DCAF6: variants seen among roughly 807,000 people sequenced by gnomAD.
DCAF6 encodes DDB1 and CUL4 associated factor 6.
A neutral mutation model predicts 125.1 loss-of-function variants in DCAF6; 54 were observed. The ratio of observed to expected loss-of-function variants is 0.43; its 90% CI spans 0.35 to 0.54. DCAF6 has a LOEUF of 0.54. Ranked by LOEUF, DCAF6 falls within the 20% of genes least tolerant of loss-of-function variation. DCAF6 has a pLI of 0.01. For missense variants in DCAF6, 934 were observed against 1,161.7 expected (o/e 0.80, Z 2.85); for synonymous variants, 371 against 390.4 (o/e 0.95, Z 0.58).
intron 2 of DCAF6, among the ~76,000 whole-genome samples, chr1:167,963,075 C>T (rs1675864825): frequency 6.6e-6 from 1 of 152,046 alleles, no homozygotes; most frequent in South Asian, 2.1e-4. Context: ...GCCTGGGCAA[C>T]ATGGTGAAAC....
At chr1:167,928,967 A>C in the DCAF6 span, among the ~76,000 whole-genome samples, 2 of 152,248 alleles carry the variant, frequency 1.3e-5, no homozygotes, top group African/African-American at 2.4e-5. Flanking sequence ...AAAAAGAATT[A>C]ATACATTTTC....
chr1:168,015,635 A>AT (rs1684867032), intron 10 of DCAF6, 146 bp from the exon 11 acceptor site: 4 of 628,550 alleles, frequency 6.4e-6, no homozygotes, highest in East Asian at 3.4e-5. Context: ...ATGACCAGTA[A>AT]TTTTTTATCA....
the DCAF6 span, among the ~76,000 whole-genome samples, chr1:167,924,110 C>T: frequency 6.6e-6 from 1 of 152,166 alleles, no homozygotes; most frequent in Non-Finnish European, 1.5e-5. Context: ...TTGAGAGTAA[C>T]TTTCCTCACC....
chr1:167,881,409 T>A, the DCAF6 span, among the ~76,000 whole-genome samples: 1 of 152,338 alleles, frequency 6.6e-6, no homozygotes, highest in Non-Finnish European at 1.5e-5. Context: ...TACCTCAATT[T>A]CTTCAACCCT....
chr1:167,870,293 A>G, the DCAF6 span: 12 of 1,613,976 alleles, frequency 7.4e-6, no homozygotes, highest in African/African-American at 4.0e-5. Flanking sequence ...CTCAATTTTC[A>G]TAAGTATCTG....
intron 5 of DCAF6, among the ~76,000 whole-genome samples, chr1:167,988,670 A>G (rs1680369794): frequency 6.6e-6 from 1 of 152,192 alleles, no homozygotes; most frequent in Non-Finnish European, 1.5e-5. Flanking sequence ...AAAAGGTACT[A>G]CTGTTAATCA....
intron 10 of DCAF6, among the ~76,000 whole-genome samples, chr1:168,007,613 G>A (rs1353513964): frequency 6.6e-6 from 1 of 152,126 alleles, no homozygotes; most frequent in Non-Finnish European, 1.5e-5. Flanking sequence ...AACATAGGCT[G>A]TCACTCCTTC....
intron 1 of DCAF6, among the ~76,000 whole-genome samples, chr1:167,945,963 T>G (rs562967046): frequency 4.6e-4 from 70 of 150,876 alleles, no homozygotes; most frequent in African/African-American, 1.5e-3. Context: ...GGGTTTTTTT[T>G]TTTTTTTTTT....
At chr1:167,925,470 T>TATATATATATAC in the DCAF6 span, among the ~76,000 whole-genome samples, 34 of 107,756 alleles carry the variant, frequency 3.2e-4, no homozygotes, top group East Asian at 8.8e-3. Context: ...TATATATATA[T>TATATATATATAC]ATATACATAT....
chr1:167,945,938 A>G (rs544079475), intron 1 of DCAF6, among the ~76,000 whole-genome samples: 1 of 141,508 alleles, frequency 7.1e-6, no homozygotes, highest in East Asian at 2.0e-4. Flanking sequence ...TACTGAATTC[A>G]TTTACCAAAT....
the DCAF6 span, chr1:167,899,423 C>T: frequency 6.2e-7 from 1 of 1,614,224 alleles, no homozygotes; most frequent in Non-Finnish European, 8.5e-7. Context: ...TCACACCCAC[C>T]TTAACTGCTC....
At chr1:167,999,040 C>G (rs1396637198) in intron 7 of DCAF6, among the ~76,000 whole-genome samples, 1 of 152,082 alleles carries the variant, frequency 6.6e-6, no homozygotes, top group African/African-American at 2.4e-5. Flanking sequence ...GCAGCTATAG[C>G]CTTACAAAAT....
Position 168,056,128 on chromosome 1 carries a change from C to A in DCAF6, c.2300+5195C>A, listed in dbSNP as rs1263892747. 1.9e-6 allele frequency: 3 copies of A among 1,595,192 alleles called. No individual in the cohort carries two copies. The African/African-American group carries it at 4.1e-5, about 22-fold the overall frequency. On this transcript the variant is annotated intron_variant, in intron 17 of 21. Coordinates refer to ENST00000367840, the MANE Select transcript of DCAF6 (RefSeq NM_001198956.2). ...TTCACACTTTCCAAAGCACCAAACT[C>A]ATCTTGTTTGTTCAATTTTGTCCCA...
chr1:167,985,392 G>A (rs1679856239), intron 4 of DCAF6, among the ~76,000 whole-genome samples: 2 of 152,146 alleles, frequency 1.3e-5, no homozygotes, highest in Non-Finnish European at 2.9e-5. Flanking sequence ...GAGGCTACTT[G>A]CATTCCTTGG....
At chr1:168,062,234 C>G (rs1056045708) in intron 17 of DCAF6, among the ~76,000 whole-genome samples, 11 of 152,048 alleles carry the variant, frequency 7.2e-5, no homozygotes, top group African/African-American at 2.7e-4. Context: ...ATAATGGTTT[C>G]CTTTAAAGGG....
chr1:167,908,559 C>T, the DCAF6 span, among the ~76,000 whole-genome samples: 1 of 152,048 alleles, frequency 6.6e-6, no homozygotes, highest in African/African-American at 2.4e-5. Flanking sequence ...ACTGTTCTCA[C>T]CACACAAAAA....
intron 14 of DCAF6, among the ~76,000 whole-genome samples, chr1:168,043,358 C>A (rs984504306): frequency 6.6e-6 from 1 of 152,020 alleles, no homozygotes; most frequent in Non-Finnish European, 1.5e-5. Flanking sequence ...TCTTTGTGGA[C>A]ACAGTGGCCA....
rs1268851960 is a variant in DCAF6 at position 168,066,365 on chromosome 1, T to C, written c.2597-12T>C. On this transcript the variant is annotated splice_polypyrimidine_tract_variant and intron_variant, in intron 19 of 21. Transcript: ENST00000367840. ...TCTAGGCTTCATATTAATATATAAA[T>C]TTTATTTCTAGTTTTAGCCTCATCT... is the stretch of plus-strand genomic sequence containing the variant. 1 of 1,547,422 alleles carries C rather than the reference T, an allele frequency of 6.5e-7. No individual in the cohort carries two copies. Among genetic ancestry groups the C allele is most frequent in the South Asian group, 1.2e-5 (1 of 84,470 alleles).
the DCAF6 span, among the ~76,000 whole-genome samples, chr1:167,897,151 T>C: frequency 2.7e-5 from 4 of 150,650 alleles, no homozygotes; most frequent in African/African-American, 9.8e-5. Flanking sequence ...GATGGCACGA[T>C]CTCATTTTTG....
Sources: gnomAD v4.1 joint callset for allele counts (sites outside exome capture counted in the v4.1 genomes callset) on GRCh38, gnomAD v4.1.1 for gene constraint, MANE v1.5 for transcripts, NCBI Gene and HGNC (gene_info 2026-07-23, HGNC 2026-07-21) for gene names.